The following SUMF1 variants were observed in gnomAD, a reference collection of about 807,000 sequenced individuals.
SUMF1 encodes the protein sulfatase modifying factor 1.
SUMF1 carries 48 observed loss-of-function variants against 47.6 expected under a neutral mutation model. That is an observed-to-expected ratio of 1.01 (90% confidence interval 0.80 to 1.28). The LOEUF (loss-of-function observed/expected upper bound fraction) is 1.28. Ranked by LOEUF, SUMF1 falls within the 50% of genes most tolerant of loss-of-function variation. The pLI is 0.00. For synonymous variants in SUMF1, 230 were observed against 192.1 expected (o/e 1.20, Z -1.63); for missense variants, 571 against 485.4 (o/e 1.18, Z -1.66).
intron 8 of SUMF1, among the ~76,000 whole-genome samples, chr3:4,252,587 A>G (rs1296891858): frequency 1.3e-5 from 2 of 152,182 alleles, no homozygotes; most frequent in East Asian, 3.8e-4. Context: ...TACACGTACA[A>G]TGAACTTAAA....
At chr3:4,335,757 A>G (rs1341019745) in intron 8 of SUMF1, among the ~76,000 whole-genome samples, 1 of 151,962 alleles carries the variant, frequency 6.6e-6, no homozygotes, top group Non-Finnish European at 1.5e-5. Flanking sequence ...AGCCTGGCCA[A>G]GAGACCAGCC....
intron 8 of SUMF1, among the ~76,000 whole-genome samples, chr3:4,223,124 A>C (rs1228556178): frequency 6.6e-6 from 1 of 152,154 alleles, no homozygotes; most frequent in East Asian, 1.9e-4. Flanking sequence ...TTTAAAAAAA[A>C]ATACCTGACA....
intron 9 of SUMF1, among the ~76,000 whole-genome samples, chr3:4,056,586 C>G (rs1695195403): frequency 6.6e-6 from 1 of 151,886 alleles, no homozygotes; most frequent in East Asian, 1.9e-4. Flanking sequence ...TGAGCCTAAA[C>G]TGTTTGAAGT....
intron 8 of SUMF1, among the ~76,000 whole-genome samples, chr3:4,142,424 T>C (rs763917136): frequency 6.6e-6 from 1 of 152,162 alleles, no homozygotes; most frequent in Non-Finnish European, 1.5e-5. Flanking sequence ...AGAGTAGGAA[T>C]AGTGTCTTTT....
At chr3:4,448,198 G>A (rs1021535424) in intron 3 of SUMF1, among the ~76,000 whole-genome samples, 1 of 152,048 alleles carries the variant, frequency 6.6e-6, no homozygotes, top group African/African-American at 2.4e-5. Flanking sequence ...ACCTATATAT[G>A]ATCTGAAAGC....
intron 8 of SUMF1, among the ~76,000 whole-genome samples, chr3:4,073,547 G>C (rs747297536): frequency 2.0e-5 from 3 of 152,134 alleles, no homozygotes; most frequent in African/African-American, 2.4e-5. Context: ...TGGCAAATTG[G>C]ATAAAGAGTC....
intron 8 of SUMF1, among the ~76,000 whole-genome samples, chr3:4,082,609 G>T (rs1692584851): frequency 6.6e-6 from 1 of 152,108 alleles, no homozygotes; most frequent in Non-Finnish European, 1.5e-5. Context: ...GATGTGGAGT[G>T]AAAGAGATTA....
intron 8 of SUMF1, among the ~76,000 whole-genome samples, chr3:4,341,855 GTT>G (rs1267950937): frequency 6.6e-6 from 1 of 152,108 alleles, no homozygotes; most frequent in Admixed American, 6.5e-5. Context: ...GTGTGTGTGT[GTT>G]TTTTAACTAA....
At chr3:4,462,099 A>G (rs2079828813) in intron 1 of SUMF1, among the ~76,000 whole-genome samples, 1 of 152,230 alleles carries the variant, frequency 6.6e-6, no homozygotes, top group African/African-American at 2.4e-5. Context: ...TCCGGCACCC[A>G]ATCCCTCTAC....
intron 8 of SUMF1, among the ~76,000 whole-genome samples, chr3:4,196,719 T>C (rs1695437858): frequency 6.6e-6 from 1 of 152,160 alleles, no homozygotes; most frequent in Non-Finnish European, 1.5e-5. Flanking sequence ...ATTCTTCTGT[T>C]CAGGGCTCTA....
rs537421281 is a variant in SUMF1, at chr3:4,433,704, T to C, written c.520-13558A>G. Among the ~76,000 whole-genome samples, 137 of 152,342 alleles carry C rather than the reference T, an allele frequency of 9.0e-4. 1 individual carries two copies. The highest frequency in any genetic ancestry group is 3.3e-3 in the African/African-American group (137 of 41,574). On this transcript the variant is annotated intron_variant, in intron 3 of 8. Coordinates refer to ENST00000272902, the MANE Select transcript of SUMF1 (RefSeq NM_182760.4). ...AAAAACTAAATGCTCCCATAGATGA[T>C]ATTCAAATGGCATTCTTTCACATTT...
intron 3 of SUMF1, among the ~76,000 whole-genome samples, chr3:4,425,687 A>C (rs711660): frequency 0.25 from 37,529 of 152,086 alleles, 5,621 homozygotes; most frequent in Non-Finnish European, 0.33. Flanking sequence ...CCACTCTCTA[A>C]AGCAAGCAGC....
At chr3:4,055,861 C>T (rs776609017) in intron 9 of SUMF1, among the ~76,000 whole-genome samples, 1 of 152,138 alleles carries the variant, frequency 6.6e-6, no homozygotes, top group East Asian at 1.9e-4. Flanking sequence ...GGCCATATTC[C>T]TTCCCAGAGG....
At chr3:4,168,305 G>T (rs768099618) in intron 8 of SUMF1, among the ~76,000 whole-genome samples, 18 of 152,072 alleles carry the variant, frequency 1.2e-4, no homozygotes, top group Non-Finnish European at 1.6e-4. Flanking sequence ...CAATTTAATT[G>T]TGTCTCTACC....
intron 8 of SUMF1, among the ~76,000 whole-genome samples, chr3:4,111,776 G>A (rs894358682): frequency 1.2e-4 from 18 of 152,068 alleles, no homozygotes; most frequent in African/African-American, 3.9e-4. Context: ...CTGTAAATAT[G>A]AATGTGTTTA....
chr3:4,044,410 C>A (rs1032851240), intron 9 of SUMF1, among the ~76,000 whole-genome samples: 1 of 152,196 alleles, frequency 6.6e-6, no homozygotes, highest in African/African-American at 2.4e-5. Flanking sequence ...TAATTACTAA[C>A]ACATTGAAAT....
At chr3:4,406,325 T>C (rs1469395605) in intron 7 of SUMF1, among the ~76,000 whole-genome samples, 2 of 152,208 alleles carry the variant, frequency 1.3e-5, no homozygotes, top group Non-Finnish European at 2.9e-5. Context: ...GGCAGAGCTG[T>C]AATCCAAGTT....
At position 4,061,899 on chromosome 3, in the gene SUMF1, T is replaced by C. The variant is rs574703627; in HGVS notation, c.1191+6670A>G. On this transcript the variant is annotated intron_variant and NMD_transcript_variant, in intron 9 of 12. Transcript: ENST00000448413. The stretch of plus-strand genomic sequence containing the variant: ...AGTATGTAAGGAGGCCGCTTTAGGC[T>C]ACACTTAAATTAACAACGGGTAATG... Among the ~76,000 whole-genome samples, 8 of 152,216 alleles carry C rather than the reference T, an allele frequency of 5.3e-5. No homozygotes were observed. The South Asian group carries it at 1.0e-3, about 20-fold the overall frequency.
intron 7 of SUMF1, among the ~76,000 whole-genome samples, chr3:4,410,530 T>A (rs985123157): frequency 6.6e-6 from 1 of 152,196 alleles, no homozygotes; most frequent in Non-Finnish European, 1.5e-5. Flanking sequence ...TAATAGTTCA[T>A]AATAAAACAG....
Sources: gnomAD v4.1 joint callset for allele counts (sites outside exome capture counted in the v4.1 genomes callset) on GRCh38, gnomAD v4.1.1 for gene constraint, MANE v1.5 for transcripts, NCBI Gene and HGNC (gene_info 2026-07-23, HGNC 2026-07-21) for gene names.